Variants in XKR6 observed in about 807,000 individuals in gnomAD.
XKR6 encodes the protein XK-related protein 6.
XKR6 carries 22 observed loss-of-function variants against 56.7 expected under a neutral mutation model. That is an observed-to-expected ratio of 0.39 (90% CI 0.28 to 0.55). XKR6 has a LOEUF of 0.55. Ranked by LOEUF, XKR6 falls within the 20% of genes least tolerant of loss-of-function variation. The pLI, the probability that XKR6 is intolerant of heterozygous loss-of-function variation, is 0.66. For missense variants in XKR6, 852 were observed against 889.0 expected, an observed-to-expected ratio of 0.96 and a Z score of 0.53; for synonymous variants, 524 against 387.8, an observed-to-expected ratio of 1.35 and a Z score of -4.13.
intron 1 of XKR6, among the ~76,000 whole-genome samples, chr8:10,989,633 T>C: frequency 6.6e-6 from 1 of 152,204 alleles, no homozygotes; most frequent in East Asian, 1.9e-4. Context: ...TAATTTCAGA[T>C]ATATCAATAA....
intron 1 of XKR6, among the ~76,000 whole-genome samples, chr8:11,185,638 A>G (rs1357589751): frequency 1.3e-5 from 2 of 152,232 alleles, no homozygotes; most frequent in African/African-American, 4.8e-5. Context: ...ATGATGGGAC[A>G]TGATTTTGAA....
At chr8:10,906,328 G>C (rs1563280545) in intron 2 of XKR6, among the ~76,000 whole-genome samples, 2 of 152,170 alleles carry the variant, frequency 1.3e-5, no homozygotes, top group Non-Finnish European at 2.9e-5. Flanking sequence ...GAAAAGCTTG[G>C]TGGGTGTCTA....
intron 1 of XKR6, among the ~76,000 whole-genome samples, chr8:10,952,374 G>T (rs566126790): frequency 2.0e-5 from 3 of 152,342 alleles, no homozygotes; most frequent in East Asian, 3.9e-4. Context: ...CACTAATACA[G>T]TCAGTACGTC....
At chr8:11,099,881 G>T (rs543030371) in intron 1 of XKR6, among the ~76,000 whole-genome samples, 1 of 152,194 alleles carries the variant, frequency 6.6e-6, no homozygotes, top group African/African-American at 2.4e-5. Context: ...CTCTGCGGAG[G>T]AGACAATTTA....
intron 1 of XKR6, among the ~76,000 whole-genome samples, chr8:11,146,980 G>A (rs1801016477): frequency 6.6e-6 from 1 of 152,046 alleles, no homozygotes; most frequent in East Asian, 1.9e-4. Flanking sequence ...AGAGGAAAAT[G>A]GGGAGGTGAT....
chr8:10,997,500 T>C (rs1201922456), intron 1 of XKR6, among the ~76,000 whole-genome samples: 3 of 152,296 alleles, frequency 2.0e-5, no homozygotes, highest in African/African-American at 7.2e-5. Context: ...TTATTCTAGC[T>C]GGTGAGATAG....
At chr8:11,024,457 G>GTA (rs1405312645) in intron 1 of XKR6, among the ~76,000 whole-genome samples, 1 of 152,118 alleles carries the variant, frequency 6.6e-6, no homozygotes, top group African/African-American at 2.4e-5. Flanking sequence ...AGTAATCCAG[G>GTA]TAAAATGCCT....
intron 1 of XKR6, among the ~76,000 whole-genome samples, chr8:11,028,344 G>A (rs563258358): frequency 6.6e-6 from 1 of 152,260 alleles, no homozygotes; most frequent in African/African-American, 2.4e-5. Context: ...CAGTTTACCC[G>A]TTCACCTGCT....
At chr8:11,007,197 A>G (rs1273961858) in intron 1 of XKR6, among the ~76,000 whole-genome samples, 1 of 152,212 alleles carries the variant, frequency 6.6e-6, no homozygotes. Context: ...CAGGAGAGTC[A>G]TAGAGATAGG....
intron 1 of XKR6, among the ~76,000 whole-genome samples, chr8:11,062,102 C>T (rs1263598560): frequency 6.6e-6 from 1 of 152,130 alleles, no homozygotes; most frequent in African/African-American, 2.4e-5. Context: ...AGAAACCAGA[C>T]CTGACAGCAG....
intron 1 of XKR6, among the ~76,000 whole-genome samples, chr8:11,169,654 T>C (rs1249502626): frequency 6.6e-6 from 1 of 152,192 alleles, no homozygotes. Flanking sequence ...AGTTAGTATT[T>C]AACGGGTACA....
At chr8:10,919,667 T>C (rs1800658386) in intron 2 of XKR6, among the ~76,000 whole-genome samples, 1 of 152,210 alleles carries the variant, frequency 6.6e-6, no homozygotes, top group African/African-American at 2.4e-5. Flanking sequence ...CCTGGTGCCA[T>C]AAGGTCAATA....
At chr8:11,140,149 A>T (rs1439664752) in intron 1 of XKR6, among the ~76,000 whole-genome samples, 1 of 152,096 alleles carries the variant, frequency 6.6e-6, no homozygotes, top group Admixed American at 6.5e-5. Context: ...AAGAAGAGAT[A>T]AAAAGAATGC....
intron 1 of XKR6, among the ~76,000 whole-genome samples, chr8:11,030,753 G>T (rs1353002333): frequency 6.6e-6 from 1 of 152,134 alleles, no homozygotes; most frequent in Non-Finnish European, 1.5e-5. Context: ...CAGCCAGCCA[G>T]TCTCTCCTAG....
At chr8:10,961,720 G>C (rs1008130985) in intron 1 of XKR6, among the ~76,000 whole-genome samples, 1 of 152,242 alleles carries the variant, frequency 6.6e-6, no homozygotes, top group Non-Finnish European at 1.5e-5. Context: ...ATGAGATTCT[G>C]AACTCTGGTT....
chr8:10,948,355 G>A lies in XKR6; in HGVS notation c.765-23525C>T, dbSNP rs187458801. Among the ~76,000 whole-genome samples the A allele has an allele frequency of 9.2e-5, 14 of 152,266 alleles. No individual in the cohort carries two copies. In the East Asian group the frequency reaches 2.3e-3, roughly 25 times the overall value. On this transcript the variant is annotated intron_variant, in intron 1 of 2. Transcript: ENST00000416569. Reference sequence around the variant, plus strand: ...GGTCCTGTGGAAGATGCCCAGCACCGCATCTGCTGTGTGTGCTGAGACTTA... The same window carrying A: ...GGTCCTGTGGAAGATGCCCAGCACCACATCTGCTGTGTGTGCTGAGACTTA...
chr8:11,195,228 C>T (rs1354387168), intron 1 of XKR6: 1 of 700,376 alleles, frequency 1.4e-6, no homozygotes, highest in African/African-American at 1.7e-5. Context: ...CCCACTGCAA[C>T]ATTATAAAAA....
In XKR6 at chr8:11,092,358, T is replaced by C. The variant is rs182275087; in HGVS notation, c.764+108218A>G. On this transcript the variant is annotated intron_variant, in intron 1 of 2. Coordinates refer to ENST00000416569, the MANE Select transcript of XKR6 (RefSeq NM_173683.4). Reference sequence around the variant, plus strand: ...TATCCTTACAACCTTGGAAGCACTATGGTACTTTTTATTTTACTCATTTTA... The same window carrying C: ...TATCCTTACAACCTTGGAAGCACTACGGTACTTTTTATTTTACTCATTTTA... Among the ~76,000 whole-genome samples, 3 of 152,356 alleles carry C rather than the reference T, an allele frequency of 2.0e-5. No homozygotes were observed. The East Asian group carries it at 5.8e-4, about 29-fold the overall frequency.
At chr8:10,932,345 C>A (rs1287107445) in intron 1 of XKR6, among the ~76,000 whole-genome samples, 3 of 152,134 alleles carry the variant, frequency 2.0e-5, no homozygotes, top group Non-Finnish European at 4.4e-5. Flanking sequence ...CCATAGTTCC[C>A]TTTCTAGGTA....
Sources: allele counts gnomAD v4.1 joint callset (sites outside exome capture counted in the v4.1 genomes callset), GRCh38; gene constraint gnomAD v4.1.1; transcripts MANE v1.5; gene names NCBI Gene and HGNC (gene_info 2026-07-23, HGNC 2026-07-21).